Variants in CORO2B observed in about 807,000 individuals in gnomAD.
CORO2B encodes the protein coronin-2B.
In CORO2B, 26 loss-of-function variants were observed where a neutral mutation model predicts 58.8. The ratio of observed to expected loss-of-function variants is 0.44; its 90% CI spans 0.32 to 0.61. CORO2B has a LOEUF of 0.61. Ranked by LOEUF, CORO2B falls within the 20% of genes least tolerant of loss-of-function variation. The pLI is 0.04. For missense variants in CORO2B, 460 were observed against 645.1 expected (o/e 0.71, Z 3.11); for synonymous variants, 242 against 253.8 (o/e 0.95, Z 0.44).
At chr15:68,565,852 G>C in the CORO2B span, among the ~76,000 whole-genome samples, 5 of 152,236 alleles carry the variant, frequency 3.3e-5, no homozygotes, top group African/African-American at 1.2e-4. Context: ...TGGTTCCCCA[G>C]TTTCCCCCTC....
chr15:68,605,711 G>GTTTTTT (rs35340917), intron 1 of CORO2B, among the ~76,000 whole-genome samples: 8 of 99,142 alleles, frequency 8.1e-5, no homozygotes, highest in Non-Finnish European at 1.3e-4. Context: ...GGGCTCTTGG[G>GTTTTTT]TTTTTTTTTT....
intron 2 of CORO2B, among the ~76,000 whole-genome samples, chr15:68,686,593 A>T (rs1018222349): frequency 9.9e-5 from 15 of 152,206 alleles, no homozygotes; most frequent in African/African-American, 3.6e-4. Context: ...TTAAATTTTT[A>T]AATGTATATA....
Position 68,579,202 on chromosome 15 carries a change from G to GGCCGCCGCC in CORO2B, c.-54_-46dup, listed in dbSNP as rs1200617659. 1 of 993,914 alleles carries GGCCGCCGCC rather than the reference G, an allele frequency of 1.0e-6. No individual in the cohort carries two copies. Among genetic ancestry groups the GGCCGCCGCC allele is most frequent in the African/African-American group, 1.8e-5 (1 of 56,920 alleles). 61.6% of individuals were successfully genotyped at this position (993,914 alleles called of 1,614,324 possible). On this transcript the variant is annotated 5_prime_UTR_variant, in exon 1 of 12. Transcript: ENST00000261861. ...CGGACCCCCTTCCGCCGCCGCCCCG[G>GGCCGCCGCC]GCCGCCGCCGCCGCCCCCGCACGCC...
intron 3 of CORO2B, among the ~76,000 whole-genome samples, chr15:68,706,040 G>T (rs1216237305): frequency 6.6e-6 from 1 of 152,136 alleles, no homozygotes; most frequent in East Asian, 1.9e-4. Flanking sequence ...TCAGGAATTA[G>T]GGTGTCCTGG....
At chr15:68,605,711 GTTTTTT>G (rs35340917) in intron 1 of CORO2B, among the ~76,000 whole-genome samples, 1 of 99,142 alleles carries the variant, frequency 1.0e-5, no homozygotes, top group Non-Finnish European at 1.9e-5. Context: ...GGGCTCTTGG[GTTTTTT>G]TTTTTTTTTT....
At chr15:68,604,373 G>A (rs1419100149) in intron 1 of CORO2B, among the ~76,000 whole-genome samples, 1 of 152,108 alleles carries the variant, frequency 6.6e-6, no homozygotes, top group Non-Finnish European at 1.5e-5. Flanking sequence ...GTGTGTTCCT[G>A]AATGATTTGG....
chr15:68,524,646 A>G, the CORO2B span, among the ~76,000 whole-genome samples: 13 of 152,354 alleles, frequency 8.5e-5, no homozygotes, highest in Middle Eastern at 3.4e-3. Context: ...TTTAACCAAG[A>G]AGTTAAATAA....
intron 2 of CORO2B, 91 bp from the exon 3 acceptor site, chr15:68,695,044 CCAGTT>C: frequency 2.2e-6 from 2 of 897,170 alleles, no homozygotes; most frequent in South Asian, 2.8e-5. Context: ...ACCTTCCAGT[CCAGTT>C]GAGAGGCCCA....
intron 2 of CORO2B, among the ~76,000 whole-genome samples, chr15:68,666,798 C>T (rs74020269): frequency 0.046 from 6,967 of 152,234 alleles, 304 homozygotes; most frequent in African/African-American, 0.11. Flanking sequence ...CTATTGCAAT[C>T]ACTGCACTGA....
At chr15:68,692,171 T>C (rs985489380) in intron 2 of CORO2B, among the ~76,000 whole-genome samples, 2 of 152,188 alleles carry the variant, frequency 1.3e-5, no homozygotes, top group African/African-American at 4.8e-5. Context: ...CTTGGGCAAG[T>C]AGCTTAACCT....
At chr15:68,669,119 GAAGGAAAGAGAAAGA>G (rs1206297368) in intron 2 of CORO2B, among the ~76,000 whole-genome samples, 1 of 150,936 alleles carries the variant, frequency 6.6e-6, no homozygotes. Flanking sequence ...AGGAGGGAAG[GAAGGAAAGAGAAAGA>G]AAGGAAAGAA....
chr15:68,601,045 C>G (rs1899969793), intron 1 of CORO2B, among the ~76,000 whole-genome samples: 1 of 152,198 alleles, frequency 6.6e-6, no homozygotes, highest in African/African-American at 2.4e-5. Context: ...CAGGGGCACT[C>G]CTGTGGTGTG....
intron 3 of CORO2B, among the ~76,000 whole-genome samples, chr15:68,698,112 G>A (rs973280121): frequency 1.1e-4 from 17 of 152,192 alleles, no homozygotes; most frequent in South Asian, 8.3e-4. Flanking sequence ...GACAGGCACT[G>A]CCACCCCCAA....
At position 68,668,288 on chromosome 15, in the gene CORO2B, C is replaced by T. The variant is rs569157619; in HGVS notation, c.216+22928C>T. On this transcript the variant is annotated intron_variant, in intron 2 of 11. Coordinates refer to ENST00000261861, the MANE Select transcript of CORO2B (RefSeq NM_006091.5). ...CATGGCCCAGGGCTGGGGAGGGGGG[C>T]GCTACAGGGGATCCAAGAACCTTCT... 9.2e-4 allele frequency among the ~76,000 whole-genome samples: 137 copies of T among 148,152 alleles called. 1 individual carries two copies. The highest frequency in any genetic ancestry group is 3.3e-3 in the African/African-American group (132 of 40,600).
chr15:68,720,602 C>A (rs1482101091), intron 11 of CORO2B, among the ~76,000 whole-genome samples: 1 of 152,132 alleles, frequency 6.6e-6, no homozygotes, highest in African/African-American at 2.4e-5. Context: ...GGAGTGAGGG[C>A]CTCAGTTTCT....
At chr15:68,569,049 C>T in the CORO2B span, among the ~76,000 whole-genome samples, 1 of 152,064 alleles carries the variant, frequency 6.6e-6, no homozygotes, top group Non-Finnish European at 1.5e-5. Flanking sequence ...CATATGCCCC[C>T]TGCTTCCACA....
At chr15:68,637,371 C>T (rs1173189902) in intron 1 of CORO2B, among the ~76,000 whole-genome samples, 1 of 152,226 alleles carries the variant, frequency 6.6e-6, no homozygotes, top group East Asian at 1.9e-4. Flanking sequence ...TCCTGTGTGT[C>T]CACCTTTCCC....
intron 3 of CORO2B, among the ~76,000 whole-genome samples, chr15:68,704,971 C>G (rs930200074): frequency 6.6e-6 from 1 of 152,196 alleles, no homozygotes; most frequent in Admixed American, 6.5e-5. Context: ...CTTATCCACT[C>G]TGTTTTCAAC....
At chr15:68,549,953 A>T in the CORO2B span, among the ~76,000 whole-genome samples, 55 of 144,572 alleles carry the variant, frequency 3.8e-4, no homozygotes, top group African/African-American at 1.3e-3. Flanking sequence ...AAAATAAAAT[A>T]AAATAAATAA....
Sources: gnomAD v4.1 joint callset for allele counts (sites outside exome capture counted in the v4.1 genomes callset) on GRCh38, gnomAD v4.1.1 for gene constraint, MANE v1.5 for transcripts, NCBI Gene and HGNC (gene_info 2026-07-23, HGNC 2026-07-21) for gene names.